Variants in ALK observed in about 807,000 individuals in gnomAD.
ALK encodes the protein ALK receptor tyrosine kinase, also known as ALK tyrosine kinase receptor.
ALK carries 74 observed loss-of-function variants against 163.1 expected under a neutral mutation model. The ratio of observed to expected loss-of-function variants is 0.45; its 90% CI spans 0.38 to 0.55. The LOEUF is 0.55. Ranked by LOEUF, ALK falls within the 20% of genes least tolerant of loss-of-function variation. The probability of loss-of-function intolerance (pLI) is 0.00; values close to 1 mark genes in which losing one functional copy is unlikely to be tolerated. For synonymous variants in ALK, 960 were observed against 843.2 expected, an observed-to-expected ratio of 1.14 and a Z score of -2.40; for missense variants, 2,063 against 2,105.3, an observed-to-expected ratio of 0.98 and a Z score of 0.39.
chr2:29,418,472 C>T (rs1165458475), intron 4 of ALK, among the ~76,000 whole-genome samples: 2 of 152,116 alleles, frequency 1.3e-5, no homozygotes, highest in South Asian at 2.1e-4. Context: ...TAGGGGGTAC[C>T]AGTGCAGATT....
chr2:29,337,078 G>A (rs1163184251), intron 5 of ALK, among the ~76,000 whole-genome samples: 1 of 152,172 alleles, frequency 6.6e-6, no homozygotes, highest in Non-Finnish European at 1.5e-5. Flanking sequence ...ATGGTGACAT[G>A]ATGAGAATGT....
At chr2:29,854,607 T>C (rs1476294838) in intron 1 of ALK, among the ~76,000 whole-genome samples, 2 of 152,198 alleles carry the variant, frequency 1.3e-5, no homozygotes, top group African/African-American at 2.4e-5. Flanking sequence ...GGGTCTTTCT[T>C]TGCAGCAACA....
chr2:29,520,810 T>C (rs1672790496), intron 4 of ALK, among the ~76,000 whole-genome samples: 1 of 152,064 alleles, frequency 6.6e-6, no homozygotes, highest in Non-Finnish European at 1.5e-5. Context: ...ATCAGTGGCT[T>C]TGAGTGCCAT....
intron 1 of ALK, among the ~76,000 whole-genome samples, chr2:29,831,437 C>T (rs1051425200): frequency 1.3e-5 from 2 of 151,896 alleles, no homozygotes; most frequent in East Asian, 3.9e-4. Flanking sequence ...TAGAGCTTCT[C>T]TCTTTATGCC....
At chr2:29,655,835 C>T (rs17008422) in intron 3 of ALK, among the ~76,000 whole-genome samples, 2,297 of 152,290 alleles carry the variant, frequency 0.015, 50 homozygotes, top group African/African-American at 0.052. Flanking sequence ...CAACTTGGAA[C>T]GAATCCAGGT....
rs532629881 is a variant in ALK at position 29,389,275 on chromosome 2, T to A, written c.1155-5416A>T. 2.3e-4 allele frequency among the ~76,000 whole-genome samples: 35 copies of A among 152,318 alleles called. No homozygotes were observed. In the East Asian group the frequency reaches 6.4e-3, roughly 28 times the overall value. Reference sequence around the variant, plus strand: ...GTGAGTGAGAGGTGTAGGCACCATATGCTATTAAAGCCGAGGCCAAAGTGA... The same window carrying A: ...GTGAGTGAGAGGTGTAGGCACCATAAGCTATTAAAGCCGAGGCCAAAGTGA... On this transcript the variant is annotated intron_variant, in intron 4 of 28. Transcript: ENST00000389048.
At chr2:29,898,331 G>A (rs1265191591) in intron 1 of ALK, among the ~76,000 whole-genome samples, 1 of 152,176 alleles carries the variant, frequency 6.6e-6, no homozygotes, top group Non-Finnish European at 1.5e-5. Flanking sequence ...TGCGATTAAG[G>A]GAGAGTACCC....
chr2:29,287,272 A>G (rs1665884032), intron 9 of ALK, among the ~76,000 whole-genome samples: 1 of 152,234 alleles, frequency 6.6e-6, no homozygotes, highest in Admixed American at 6.5e-5. Flanking sequence ...ACTAATATTT[A>G]CAATAGTCAA....
At chr2:29,907,938 C>A (rs1435102180) in intron 1 of ALK, among the ~76,000 whole-genome samples, 1 of 152,096 alleles carries the variant, frequency 6.6e-6, no homozygotes, top group Non-Finnish European at 1.5e-5. Context: ...GGTTCCAAAA[C>A]CTTAGACTTT....
intron 1 of ALK, among the ~76,000 whole-genome samples, chr2:29,736,582 TAAGTA>T (rs1310290249): frequency 6.6e-6 from 1 of 152,082 alleles, no homozygotes; most frequent in Non-Finnish European, 1.5e-5. Flanking sequence ...TTTCCTGTAC[TAAGTA>T]AATAAAAGAG....
chr2:29,533,580 G>T (rs538036303), intron 3 of ALK, among the ~76,000 whole-genome samples: 181 of 152,326 alleles, frequency 1.2e-3, no homozygotes, highest in African/African-American at 4.2e-3. Flanking sequence ...AGCTTTGGAA[G>T]TCAGAGGGGC....
chr2:29,297,928 G>GA (rs1165247754), intron 8 of ALK, among the ~76,000 whole-genome samples: 6 of 152,184 alleles, frequency 3.9e-5, no homozygotes, highest in African/African-American at 1.4e-4. Context: ...ATTGTAGAAA[G>GA]AAAGGTAAAA....
intron 5 of ALK, among the ~76,000 whole-genome samples, chr2:29,355,356 T>A (rs1439337894): frequency 6.6e-6 from 1 of 152,132 alleles, no homozygotes; most frequent in Non-Finnish European, 1.5e-5. Flanking sequence ...CCAGTGCTGT[T>A]TTTATGTAAT....
intron 4 of ALK, among the ~76,000 whole-genome samples, chr2:29,417,074 G>C (rs1030287383): frequency 7.3e-6 from 1 of 137,100 alleles, no homozygotes; most frequent in African/African-American, 2.8e-5. Context: ...TGCAAGCTCT[G>C]CCTTCTGGGT....
intron 4 of ALK, among the ~76,000 whole-genome samples, chr2:29,434,058 G>T (rs1670340667): frequency 6.6e-6 from 1 of 151,998 alleles, no homozygotes; most frequent in African/African-American, 2.4e-5. Flanking sequence ...ATGGAGAAGG[G>T]GATGCTTGCT....
intron 1 of ALK, among the ~76,000 whole-genome samples, chr2:29,887,859 G>A (rs1667024915): frequency 6.6e-6 from 1 of 152,172 alleles, no homozygotes. Flanking sequence ...TGTGCTTACT[G>A]GAAGGACTGC....
chr2:29,521,210 C>T (rs1672803105), intron 4 of ALK, among the ~76,000 whole-genome samples: 1 of 152,130 alleles, frequency 6.6e-6, no homozygotes, highest in African/African-American at 2.4e-5. Context: ...GGTCCTGGAT[C>T]CTCAGGTAAC....
chr2:29,417,700 C>T (rs992031905), intron 4 of ALK, among the ~76,000 whole-genome samples: 14 of 152,138 alleles, frequency 9.2e-5, no homozygotes, highest in Non-Finnish European at 1.5e-4. Context: ...GGTTTCCTAC[C>T]GAAATAAAAA....
chr2:29,716,828 C>T (rs934492691), intron 2 of ALK, among the ~76,000 whole-genome samples: 1 of 151,744 alleles, frequency 6.6e-6, no homozygotes, highest in Admixed American at 6.6e-5. Context: ...CTGTGACGCT[C>T]ATAATAATAA....
Sources: allele counts gnomAD v4.1 joint callset (sites outside exome capture counted in the v4.1 genomes callset), GRCh38; gene constraint gnomAD v4.1.1; transcripts MANE v1.5; gene names NCBI Gene and HGNC (gene_info 2026-07-23, HGNC 2026-07-21).